RPSA2: variants seen among roughly 807,000 people sequenced by gnomAD.
RPSA2 encodes small ribosomal subunit protein uS2B.
chr19:23,859,983 G>A, the RPSA2 span, among the ~76,000 whole-genome samples: 27 of 152,242 alleles, frequency 1.8e-4, 1 homozygote, highest in Non-Finnish European at 2.4e-4. Flanking sequence ...TACATTCTGG[G>A]CTCAAAAGTC....
At chr19:23,761,909 T>TCCCTCCC in the RPSA2 span, among the ~76,000 whole-genome samples, 1 of 37,382 alleles carries the variant, frequency 2.7e-5, no homozygotes, top group African/African-American at 8.2e-5. Context: ...TAATTCTTTC[T>TCCCTCCC]TTCTTTCTTT....
the RPSA2 span, among the ~76,000 whole-genome samples, chr19:23,814,229 AAG>A: frequency 6.6e-6 from 1 of 151,564 alleles, no homozygotes; most frequent in African/African-American, 2.4e-5. Flanking sequence ...AAAAAAAAAA[AAG>A]AAGTTATCTT....
the RPSA2 span, among the ~76,000 whole-genome samples, chr19:23,845,284 TTC>T: frequency 6.7e-6 from 1 of 148,950 alleles, no homozygotes; most frequent in Non-Finnish European, 1.5e-5. Context: ...TGTTTTTTTT[TTC>T]TTCTTCTAAC....
the RPSA2 span, among the ~76,000 whole-genome samples, chr19:23,767,737 A>AT: frequency 7.1e-6 from 1 of 141,120 alleles, no homozygotes; most frequent in Non-Finnish European, 1.5e-5. Flanking sequence ...CCTTGGAAAG[A>AT]TTTTTTCACT....
the RPSA2 span, among the ~76,000 whole-genome samples, chr19:23,863,620 G>A: frequency 6.7e-6 from 1 of 148,908 alleles, no homozygotes; most frequent in East Asian, 2.0e-4. Flanking sequence ...ATATAAGCAT[G>A]TCATAGTTTC....
At chr19:23,866,513 G>GTCC in the RPSA2 span, among the ~76,000 whole-genome samples, 24 of 142,396 alleles carry the variant, frequency 1.7e-4, no homozygotes, top group South Asian at 6.9e-4. Context: ...ACAATGTGGT[G>GTCC]CCCCCCCCCG....
chr19:23,787,688 T>TA, the RPSA2 span, among the ~76,000 whole-genome samples: 3 of 152,216 alleles, frequency 2.0e-5, no homozygotes, highest in African/African-American at 7.2e-5. Context: ...TCTCTTGTGT[T>TA]ACCTGGTCTC....
chr19:23,841,379 G>A, the RPSA2 span, among the ~76,000 whole-genome samples: 1 of 152,098 alleles, frequency 6.6e-6, no homozygotes, highest in Middle Eastern at 3.4e-3. Flanking sequence ...CAGGAGAATG[G>A]CGTGAACCTG....
At chr19:23,840,814 T>C in the RPSA2 span, among the ~76,000 whole-genome samples, 1 of 150,856 alleles carries the variant, frequency 6.6e-6, no homozygotes, top group African/African-American at 2.4e-5. Flanking sequence ...AAAAAAAAAT[T>C]AGCCGGACAC....
the RPSA2 span, among the ~76,000 whole-genome samples, chr19:23,794,529 G>C: frequency 1.3e-5 from 2 of 152,152 alleles, no homozygotes; most frequent in Non-Finnish European, 2.9e-5. Context: ...CTACTTGTTA[G>C]TGAGGTCTTT....
chr19:23,827,422 G>A, the RPSA2 span: 362 of 1,463,540 alleles, frequency 2.5e-4, 22 homozygotes, highest in East Asian at 2.1e-3. Flanking sequence ...AGAGGGCTGT[G>A]CTGAAGTTTG....
chr19:23,867,041 C>T, the RPSA2 span, among the ~76,000 whole-genome samples: 1 of 152,166 alleles, frequency 6.6e-6, no homozygotes, highest in Admixed American at 6.5e-5. Flanking sequence ...TTACACCCTT[C>T]TGCATGAAAG....
chr19:23,860,836 C>T, the RPSA2 span, among the ~76,000 whole-genome samples: 1 of 152,106 alleles, frequency 6.6e-6, no homozygotes, highest in Non-Finnish European at 1.5e-5. Context: ...TCCTTATCCA[C>T]AAATAGAAGA....
chr19:23,854,440 T>A, the RPSA2 span, among the ~76,000 whole-genome samples: 1 of 152,162 alleles, frequency 6.6e-6, no homozygotes, highest in African/African-American at 2.4e-5. Context: ...TAGGTAAATT[T>A]GTTTGTGCTG....
At chr19:23,830,196 G>A in the RPSA2 span, among the ~76,000 whole-genome samples, 1 of 152,156 alleles carries the variant, frequency 6.6e-6, no homozygotes, top group South Asian at 2.1e-4. Context: ...CCAGGCTGGA[G>A]CATAGTGGTA....
At chr19:23,852,274 ATAAT>A in the RPSA2 span, among the ~76,000 whole-genome samples, 1 of 152,182 alleles carries the variant, frequency 6.6e-6, no homozygotes, top group Non-Finnish European at 1.5e-5. Context: ...TAGGTCTTAA[ATAAT>A]TAATGTTACC....
At chr19:23,848,594 T>C in the RPSA2 span, among the ~76,000 whole-genome samples, 3 of 152,240 alleles carry the variant, frequency 2.0e-5, no homozygotes, top group Non-Finnish European at 4.4e-5. Flanking sequence ...TTATCTTCCC[T>C]ACTGAGAAGG....
the RPSA2 span, chr19:23,826,984 C>T: frequency 4.9e-6 from 3 of 614,710 alleles, no homozygotes; most frequent in South Asian, 5.7e-5. Context: ...ACCACCGTGC[C>T]TGGGAAGAAT....
chr19:23,786,828 A>G, the RPSA2 span, among the ~76,000 whole-genome samples: 1 of 151,940 alleles, frequency 6.6e-6, no homozygotes, highest in Non-Finnish European at 1.5e-5. Context: ...CTAAGGGATG[A>G]GAGTCTCCTA....
Sources: gnomAD v4.1 joint callset for allele counts (sites outside exome capture counted in the v4.1 genomes callset) on GRCh38, gnomAD v4.1.1 for gene constraint, MANE v1.5 for transcripts, NCBI Gene and HGNC (gene_info 2026-07-23, HGNC 2026-07-21) for gene names.